The following CCDC91 variants were observed in gnomAD, a reference collection of about 807,000 sequenced individuals.
The protein encoded by CCDC91 is coiled-coil domain-containing protein 91.
Under a neutral mutation model 63.2 loss-of-function variants are expected in CCDC91, and 48 were observed. That is an observed-to-expected ratio of 0.76 (90% CI 0.60 to 0.97). The LOEUF (loss-of-function observed/expected upper bound fraction) is 0.97, where lower values mean the gene tolerates loss of function less well. Among genes scored for constraint, CCDC91 ranks in the 50% least tolerant of loss-of-function variants. The pLI, the probability that CCDC91 is intolerant of heterozygous loss-of-function variation, is 0.00. For synonymous variants in CCDC91, 167 were observed against 165.8 expected (o/e 1.01, Z -0.06); for missense variants, 500 against 494.6 (o/e 1.01, Z -0.10).
chr12:28,264,960 C>T (rs1947091499), intron 3 of CCDC91, among the ~76,000 whole-genome samples: 1 of 151,900 alleles, frequency 6.6e-6, no homozygotes, highest in Non-Finnish European at 1.5e-5. Flanking sequence ...TCTAAAAGGA[C>T]AGGATGTCTC....
intron 12 of CCDC91, among the ~76,000 whole-genome samples, chr12:28,524,844 A>T (rs1376063876): frequency 1.3e-5 from 2 of 152,006 alleles, no homozygotes; most frequent in African/African-American, 4.8e-5. Flanking sequence ...TCTTTCCAGG[A>T]ATTTATCCAT....
In CCDC91 at chr12:28,210,667, A is replaced by C. The variant is rs75491389; in HGVS notation, c.-15+20026A>C. ...GGACTCTTTAATAAAAGTTCTTATAAATTTTTTATTACCTGACTTTAGCCA... is the reference window on the plus strand; with the variant it reads ...GGACTCTTTAATAAAAGTTCTTATACATTTTTTATTACCTGACTTTAGCCA... On this transcript the variant is annotated intron_variant, in intron 1 of 12. Coordinates refer to ENST00000536442, the MANE Select transcript of CCDC91 (RefSeq NM_018318.5). 1.7e-3 allele frequency among the ~76,000 whole-genome samples: 256 copies of C among 152,228 alleles called. 5 individuals are homozygous for C. The East Asian group carries it at 0.04, about 24-fold the overall frequency.
rs1565699960 is a variant in CCDC91 at position 28,267,826 on chromosome 12, A to AT, written c.109+8384_109+8385insT. On this transcript the variant is annotated intron_variant, in intron 3 of 12. Transcript: ENST00000536442. ...TATAGTAATATATAATTATATTATTAATATATAATTATATATAATTATATA... is the reference window on the plus strand; with the variant it reads ...TATAGTAATATATAATTATATTATTATATATATAATTATATATAATTATATA... Among the ~76,000 whole-genome samples the AT allele has an allele frequency of 4.2e-4, 8 of 19,080 alleles. No individual in the cohort carries two copies. The South Asian group carries it at 9.0e-3, about 22-fold the overall frequency. 12.5% of individuals were successfully genotyped at this position (19,080 alleles called of 152,430 possible).
chr12:28,519,994 C>A (rs1219460674), intron 12 of CCDC91, among the ~76,000 whole-genome samples: 2 of 151,972 alleles, frequency 1.3e-5, no homozygotes, highest in East Asian at 3.9e-4. Context: ...TGGGTTGGTT[C>A]CAAGTCTTTC....
At chr12:28,256,372 A>G (rs920790674) in intron 1 of CCDC91, among the ~76,000 whole-genome samples, 2 of 151,694 alleles carry the variant, frequency 1.3e-5, no homozygotes, top group East Asian at 1.9e-4. Context: ...TCCTCTTACT[A>G]ATTTCACCTT....
rs370314899 is a variant in CCDC91 at position 28,520,084 on chromosome 12, G to C, written c.1216-28979G>C. Among the ~76,000 whole-genome samples the C allele has an allele frequency of 1.2e-4, 18 of 152,102 alleles. 1 individual carries two copies. Among genetic ancestry groups the C allele is most frequent in the African/African-American group, 4.3e-4 (18 of 41,512 alleles). Reference sequence around the variant, plus strand: ...ATGATTTATAATCCTTTGGGTATATGCCCAGTAATGGGATGGCTGGGTCAA... The same window carrying C: ...ATGATTTATAATCCTTTGGGTATATCCCCAGTAATGGGATGGCTGGGTCAA... On this transcript the variant is annotated intron_variant, in intron 12 of 12. Transcript: ENST00000536442.
chr12:28,268,906 A>G (rs1272035774), intron 3 of CCDC91, among the ~76,000 whole-genome samples: 1 of 151,946 alleles, frequency 6.6e-6, no homozygotes, highest in African/African-American at 2.4e-5. Context: ...CCCTCCCTTT[A>G]CCCCTGAGAT....
chr12:28,415,044 T>C (rs1592604081), intron 8 of CCDC91, among the ~76,000 whole-genome samples: 1 of 152,188 alleles, frequency 6.6e-6, no homozygotes, highest in African/African-American at 2.4e-5. Context: ...GAGATACCTC[T>C]AGGGTTTTAA....
intron 8 of CCDC91, among the ~76,000 whole-genome samples, chr12:28,443,895 A>G (rs778458518): frequency 6.6e-6 from 1 of 152,266 alleles, no homozygotes; most frequent in Non-Finnish European, 1.5e-5. Context: ...AAATGTTTAT[A>G]AAACTTGCTA....
intron 6 of CCDC91, among the ~76,000 whole-genome samples, chr12:28,316,031 T>C (rs1447500247): frequency 6.6e-6 from 1 of 152,006 alleles, no homozygotes; most frequent in Non-Finnish European, 1.5e-5. Context: ...AAAACATTGC[T>C]GTCAAAGTCT....
At position 28,521,450 on chromosome 12, in the gene CCDC91, T is replaced by A. The variant is rs143497075; in HGVS notation, c.1216-27613T>A. Among the ~76,000 whole-genome samples the A allele has an allele frequency of 2.1e-3, 321 of 152,314 alleles. 3 individuals carry two copies. The highest frequency in any genetic ancestry group is 7.3e-3 in the African/African-American group (303 of 41,566). On this transcript the variant is annotated intron_variant, in intron 12 of 12. Transcript: ENST00000536442. ...ATCCTGAGACTTTGCTGAATTTGCT[T>A]ATGAGCTTAAGGAGATTTGGGGCTG...
intron 3 of CCDC91, among the ~76,000 whole-genome samples, chr12:28,294,533 A>G (rs188538464): frequency 6.6e-6 from 1 of 151,324 alleles, no homozygotes; most frequent in East Asian, 1.9e-4. Flanking sequence ...TGTGATTGCA[A>G]GCTTCCTGAG....
chr12:28,349,166 T>A (rs1464053336), intron 6 of CCDC91, among the ~76,000 whole-genome samples: 1 of 152,228 alleles, frequency 6.6e-6, no homozygotes, highest in East Asian at 1.9e-4. Flanking sequence ...CTTATTTCTT[T>A]GAGGATGTTA....
At chr12:28,266,343 G>A (rs752990681) in intron 3 of CCDC91, among the ~76,000 whole-genome samples, 2 of 151,914 alleles carry the variant, frequency 1.3e-5, no homozygotes, top group Non-Finnish European at 2.9e-5. Flanking sequence ...ATCTCAATTA[G>A]CAAATCTATA....
chr12:28,477,587 A>G (rs983198703), intron 11 of CCDC91, among the ~76,000 whole-genome samples: 23 of 152,294 alleles, frequency 1.5e-4, no homozygotes, highest in African/African-American at 2.6e-4. Flanking sequence ...CACCACTTCT[A>G]TTGAACATAG....
intron 12 of CCDC91, among the ~76,000 whole-genome samples, chr12:28,539,539 A>G (rs1195188306): frequency 2.6e-5 from 4 of 152,010 alleles, no homozygotes; most frequent in African/African-American, 7.2e-5. Flanking sequence ...GTCAGGTAGC[A>G]TGATGCCTCC....
chr12:28,444,445 A>G (rs1007731685), intron 8 of CCDC91, among the ~76,000 whole-genome samples: 3 of 152,204 alleles, frequency 2.0e-5, no homozygotes. Flanking sequence ...TAGTACCAAT[A>G]TAAGTCCCGC....
intron 6 of CCDC91, among the ~76,000 whole-genome samples, chr12:28,325,716 A>G (rs1441422289): frequency 2.6e-5 from 4 of 151,944 alleles, no homozygotes; most frequent in Admixed American, 6.6e-5. Flanking sequence ...TGGATTAGGA[A>G]TCTATTAAAC....
chr12:28,524,782 A>G (rs1414499816), intron 12 of CCDC91, among the ~76,000 whole-genome samples: 2 of 151,786 alleles, frequency 1.3e-5, no homozygotes, highest in Non-Finnish European at 2.9e-5. Context: ...ACTGCTTTTT[A>G]TTGGTCTGTT....
Sources: gnomAD v4.1 joint callset for allele counts (sites outside exome capture counted in the v4.1 genomes callset) on GRCh38, gnomAD v4.1.1 for gene constraint, MANE v1.5 for transcripts, NCBI Gene and HGNC (gene_info 2026-07-23, HGNC 2026-07-21) for gene names.